ATRNL1: variants seen among roughly 807,000 people sequenced by gnomAD.
The protein encoded by ATRNL1 is attractin like 1.
Under a neutral mutation model 182.7 loss-of-function variants are expected in ATRNL1, and 95 were observed. The ratio of observed to expected loss-of-function variants is 0.52; its 90% CI spans 0.44 to 0.62. ATRNL1 has a LOEUF of 0.62. Ranked by LOEUF, ATRNL1 falls within the 20% of genes least tolerant of loss-of-function variation. The pLI is 0.00. For synonymous variants in ATRNL1, 576 were observed against 568.3 expected (o/e 1.01, Z -0.19); for missense variants, 1,471 against 1,679.5 (o/e 0.88, Z 2.17).
intron 27 of ATRNL1, 66 bp from the exon 28 acceptor site, chr10:115,847,811 A>T: frequency 1.2e-6 from 1 of 825,354 alleles, no homozygotes; most frequent in South Asian, 1.4e-5. Context: ...AAGGATAGAT[A>T]AGGTGAAAAT....
chr10:115,842,125 CTCATATA>C (rs1555097347), intron 27 of ATRNL1, among the ~76,000 whole-genome samples: 1 of 112,896 alleles, frequency 8.9e-6, no homozygotes, highest in Non-Finnish European at 2.1e-5. Flanking sequence ...TAATATTTCA[CTCATATA>C]TCAGATTAGG....
intron 27 of ATRNL1, among the ~76,000 whole-genome samples, chr10:115,839,259 C>A (rs990268880): frequency 6.6e-6 from 1 of 152,066 alleles, no homozygotes. Context: ...CTTGTGTTCA[C>A]GAGGGATGAT....
chr10:115,479,402 A>G (rs964185509), intron 24 of ATRNL1, among the ~76,000 whole-genome samples: 3 of 151,632 alleles, frequency 2.0e-5, no homozygotes, highest in Admixed American at 1.3e-4. Flanking sequence ...ACATTAATTT[A>G]GCCATTGAGA....
Position 115,129,520 on chromosome 10 carries a change from A to C in ATRNL1, c.814A>C (p.Asn272His). Residue 272 changes from asparagine to histidine, a missense_variant, in exon 5 of 29, where the codon AAT (asparagine) becomes CAT (histidine). Around this residue, in one of 3 missense-constraint regions of ATRNL1, gnomAD observed 1,031 missense variants for 1,156.0 expected, o/e 0.89. Coordinates refer to ENST00000355044, the MANE Select transcript of ATRNL1 (RefSeq NM_207303.4). ...DLTGEKLCVC[N>H]DSWQGPDCSL... is the part of the protein sequence containing the mutation. ...GACTGGAGAAAAATTATGTGTCTGC[A>C]ATGATAGTTGGCAAGGTAAGCATGT... is the stretch of plus-strand genomic sequence containing the variant. The C allele has an allele frequency of 3.1e-6, 5 of 1,614,104 alleles. No individual in the cohort carries two copies. The highest frequency in any genetic ancestry group is 4.2e-6 in the Non-Finnish European group (5 of 1,179,966).
rs1286119051 is a variant in ATRNL1 at position 115,739,892 on chromosome 10, TA to T, written c.3903+12541del. 2.0e-5 allele frequency among the ~76,000 whole-genome samples: 3 copies of T among 152,216 alleles called. No homozygotes were observed. The East Asian group carries it at 5.8e-4, about 29-fold the overall frequency. On this transcript the variant is annotated intron_variant, in intron 27 of 28. Coordinates refer to ENST00000355044, the MANE Select transcript of ATRNL1 (RefSeq NM_207303.4). ...ATATATTTTTTGCTTATGTTTCATA[TA>T]AAATCAGTTACTAATTTAACTTGTA...
At chr10:115,717,110 A>G (rs1947275730) in intron 26 of ATRNL1, among the ~76,000 whole-genome samples, 1 of 152,160 alleles carries the variant, frequency 6.6e-6, no homozygotes, top group African/African-American at 2.4e-5. Flanking sequence ...TTTTGTATTA[A>G]AAAAGGTTAC....
intron 28 of ATRNL1, among the ~76,000 whole-genome samples, chr10:115,934,311 C>T (rs570287671): frequency 2.0e-5 from 3 of 152,280 alleles, no homozygotes; most frequent in East Asian, 3.9e-4. Context: ...GCTAACATTC[C>T]CCACCTATAT....
At chr10:115,409,791 A>G (rs1264766896) in intron 20 of ATRNL1, among the ~76,000 whole-genome samples, 3 of 152,174 alleles carry the variant, frequency 2.0e-5, no homozygotes, top group Non-Finnish European at 4.4e-5. Flanking sequence ...ATGAACATGT[A>G]TGCAAAAATC....
intron 5 of ATRNL1, among the ~76,000 whole-genome samples, chr10:115,151,986 A>C (rs1037832185): frequency 3.8e-4 from 58 of 152,162 alleles, no homozygotes; most frequent in African/African-American, 1.3e-3. Flanking sequence ...TTCCCCATTA[A>C]TTGTTTTTGT....
At chr10:115,536,669 C>G (rs1187187819) in intron 25 of ATRNL1, among the ~76,000 whole-genome samples, 1 of 152,228 alleles carries the variant, frequency 6.6e-6, no homozygotes, top group Non-Finnish European at 1.5e-5. Context: ...CCCGGTACCT[C>G]AGATGGAAAT....
At position 115,438,506 on chromosome 10, in the gene ATRNL1, A is replaced by G. The variant is rs181398496; in HGVS notation, c.3322+12204A>G. The stretch of plus-strand genomic sequence containing the variant: ...AGTCATCACTTTCCACCTAATCATT[A>G]GTTTTTAATATCTGACTTCTTTAAA... On this transcript the variant is annotated intron_variant, in intron 21 of 28. Coordinates refer to ENST00000355044, the MANE Select transcript of ATRNL1 (RefSeq NM_207303.4). Among the ~76,000 whole-genome samples, 784 of 152,080 alleles carry G rather than the reference A, an allele frequency of 5.2e-3. 5 individuals carry two copies. Among genetic ancestry groups the G allele is most frequent in the Non-Finnish European group, 8.0e-3 (544 of 67,878 alleles).
At chr10:115,185,871 A>G (rs891348604) in intron 8 of ATRNL1, among the ~76,000 whole-genome samples, 5 of 152,056 alleles carry the variant, frequency 3.3e-5, no homozygotes, top group Non-Finnish European at 7.4e-5. Context: ...TGTATATAAT[A>G]CCTACAGAAA....
intron 26 of ATRNL1, among the ~76,000 whole-genome samples, chr10:115,610,012 T>C (rs74158402): frequency 0.011 from 1,667 of 152,290 alleles, 30 homozygotes; most frequent in African/African-American, 0.038. Context: ...TAAAAATAAA[T>C]GTATTTACCA....
At chr10:115,289,222 C>T (rs1466305454) in intron 15 of ATRNL1, among the ~76,000 whole-genome samples, 1 of 152,132 alleles carries the variant, frequency 6.6e-6, no homozygotes, top group Non-Finnish European at 1.5e-5. Context: ...ACAGGAAAGA[C>T]CTGCCCCCAT....
intron 19 of ATRNL1, among the ~76,000 whole-genome samples, chr10:115,346,689 G>C (rs369600704): frequency 6.6e-6 from 1 of 151,774 alleles, no homozygotes. Flanking sequence ...TATCTTCCTT[G>C]GAGAAATGTC....
intron 28 of ATRNL1, among the ~76,000 whole-genome samples, chr10:115,927,269 G>A (rs1428261813): frequency 2.6e-5 from 4 of 152,066 alleles, no homozygotes; most frequent in African/African-American, 9.7e-5. Context: ...AAAATCATGA[G>A]AGCTATTTAT....
At chr10:115,536,701 C>T (rs779798450) in intron 25 of ATRNL1, among the ~76,000 whole-genome samples, 5 of 152,208 alleles carry the variant, frequency 3.3e-5, no homozygotes, top group African/African-American at 7.2e-5. Flanking sequence ...CCGTCTTCTG[C>T]GTCGCTCATG....
chr10:115,314,465 G>C (rs1433355867), intron 17 of ATRNL1, among the ~76,000 whole-genome samples: 1 of 152,164 alleles, frequency 6.6e-6, no homozygotes, highest in Non-Finnish European at 1.5e-5. Flanking sequence ...ATGAAATTGA[G>C]TCTGCCAGAA....
intron 26 of ATRNL1, among the ~76,000 whole-genome samples, chr10:115,699,749 A>G (rs1555050916): frequency 6.6e-6 from 1 of 152,122 alleles, no homozygotes; most frequent in Non-Finnish European, 1.5e-5. Flanking sequence ...ACATGGGTAC[A>G]TTACGTGACT....
Sources: allele counts gnomAD v4.1 joint callset (sites outside exome capture counted in the v4.1 genomes callset), GRCh38; gene constraint gnomAD v4.1.1; regional missense constraint gnomAD v4.1.1; transcripts MANE v1.5; gene names NCBI Gene and HGNC (gene_info 2026-07-23, HGNC 2026-07-21).